The following FBN2 variants were observed in gnomAD, a reference collection of about 807,000 sequenced individuals.
FBN2 encodes the protein fibrillin-2.
In FBN2, 105 loss-of-function variants were observed where a neutral mutation model predicts 355.6. The observed-to-expected ratio is 0.30, with a 90% CI of 0.25 to 0.35. FBN2 has a LOEUF of 0.35. Among genes scored for constraint, FBN2 ranks in the 10% least tolerant of loss-of-function variants. FBN2 has a pLI of 1.00. For missense variants in FBN2, 3,280 were observed against 3,758.7 expected (o/e 0.87, Z 3.33); for synonymous variants, 1,350 against 1,301.2 (o/e 1.04, Z -0.81).
chr5:128,371,916 T>G (rs925316692), intron 15 of FBN2, among the ~76,000 whole-genome samples: 5 of 152,220 alleles, frequency 3.3e-5, no homozygotes, highest in African/African-American at 1.2e-4. Context: ...AAAATATGTA[T>G]GTATGCAAAA....
intron 5 of FBN2, among the ~76,000 whole-genome samples, 173 bp downstream of exon 5, chr5:128,519,100 C>T (rs1756361911): frequency 6.6e-6 from 1 of 152,198 alleles, no homozygotes; most frequent in Admixed American, 6.5e-5. Flanking sequence ...AGTTGAGACA[C>T]TTCTGCCACT....
At chr5:128,521,218 G>A (rs575481400) in intron 4 of FBN2, among the ~76,000 whole-genome samples, 5 of 152,226 alleles carry the variant, frequency 3.3e-5, no homozygotes, top group South Asian at 4.2e-4. Context: ...CCTTTGCAGC[G>A]ACATGGATGA....
At chr5:128,332,775 C>A in intron 32 of FBN2, 137 bp downstream of exon 32, 1 of 877,260 alleles carries the variant, frequency 1.1e-6, no homozygotes. Context: ...CACCCTTAGG[C>A]AGGAATTATC....
At chr5:128,281,982 G>T (rs1765561872) in intron 55 of FBN2, among the ~76,000 whole-genome samples, 1 of 152,148 alleles carries the variant, frequency 6.6e-6, no homozygotes, top group Non-Finnish European at 1.5e-5. Flanking sequence ...GAGCCACCGT[G>T]CCCGGCAGGT....
intron 6 of FBN2, among the ~76,000 whole-genome samples, chr5:128,457,287 G>A (rs535141658): frequency 1.3e-5 from 2 of 152,256 alleles, no homozygotes; most frequent in South Asian, 4.1e-4. Flanking sequence ...AAGCTTCCAG[G>A]AAACATGAGA....
chr5:128,532,875 A>AAT (rs1756743811), intron 2 of FBN2, among the ~76,000 whole-genome samples: 1 of 152,130 alleles, frequency 6.6e-6, no homozygotes, highest in Admixed American at 6.5e-5. Context: ...CAACGCTACG[A>AAT]AAATTTTTTT....
At chr5:128,327,315 T>TGAA (rs1750577912) in intron 34 of FBN2, among the ~76,000 whole-genome samples, 6 of 152,170 alleles carry the variant, frequency 3.9e-5, no homozygotes, top group African/African-American at 1.2e-4. Flanking sequence ...TCTGGAGAAT[T>TGAA]TCATGAACTT....
intron 5 of FBN2, among the ~76,000 whole-genome samples, chr5:128,490,706 T>G (rs1755477109): frequency 6.6e-6 from 1 of 152,230 alleles, no homozygotes. Flanking sequence ...ACTGAGCATC[T>G]AGCAAAGTGT....
chr5:128,330,692 A>G lies in FBN2; in HGVS notation c.4226T>C (p.Leu1409Pro). ...WIGNGIKCID[L>P]DECSNGTHQC... ...GTGGGTTCCATTAGAACATTCGTCC[A>G]GATCTGCAGAACACAGCAATAAAGT... Residue 1409 changes from leucine (L) to proline (P), a missense_variant, in exon 33 of 65, where the codon CTG becomes CCG. Leu to Pro is a moderately conservative substitution (Grantham distance 98). Transcript: ENST00000262464. 6.2e-7 allele frequency: 1 copy of G among 1,614,042 alleles called. No homozygotes were observed. The highest frequency in any genetic ancestry group is 8.5e-7 in the Non-Finnish European group (1 of 1,179,890).
chr5:128,517,295 C>T (rs1756305138), intron 5 of FBN2, among the ~76,000 whole-genome samples: 1 of 152,070 alleles, frequency 6.6e-6, no homozygotes, highest in Non-Finnish European at 1.5e-5. Flanking sequence ...ACAAAGTTTA[C>T]CTGACTCCCA....
At chr5:128,483,970 G>A (rs1214857291) in intron 5 of FBN2, among the ~76,000 whole-genome samples, 1 of 152,166 alleles carries the variant, frequency 6.6e-6, no homozygotes, top group Non-Finnish European at 1.5e-5. Flanking sequence ...CCACATATGT[G>A]ATGGAAGTCT....
chr5:128,513,831 G>A (rs961245770), intron 5 of FBN2, among the ~76,000 whole-genome samples: 1 of 151,720 alleles, frequency 6.6e-6, no homozygotes, highest in Non-Finnish European at 1.5e-5. Context: ...CCCACTGTCT[G>A]CTTTTCCTTC....
chr5:128,430,185 T>C (rs2127029233), intron 7 of FBN2, among the ~76,000 whole-genome samples: 1 of 152,250 alleles, frequency 6.6e-6, no homozygotes, highest in South Asian at 2.1e-4. Context: ...ATTTTTTCTT[T>C]GGCATTTTTC....
intron 3 of FBN2, 46 bp downstream of exon 3, chr5:128,530,549 A>T: frequency 3.0e-6 from 4 of 1,330,296 alleles, no homozygotes; most frequent in Non-Finnish European, 4.3e-6. Context: ...ATTTGCTCCA[A>T]AGCTTAAGAA....
At position 128,430,206 on chromosome 5, in the gene FBN2, C is replaced by G. The variant is rs555171360; in HGVS notation, c.952+16275G>C. Among the ~76,000 whole-genome samples, 16 of 151,634 alleles carry G rather than the reference C, an allele frequency of 1.1e-4. No homozygotes were observed. In the South Asian group the frequency reaches 2.5e-3, roughly 24 times the overall value. ...TCTTTGGCATTTTTCTTTTGACATT[C>G]TTTTTGATGTCTTTGCCAGTAGTTT... On this transcript the variant is annotated intron_variant, in intron 7 of 64. Transcript: ENST00000262464.
intron 48 of FBN2, among the ~76,000 whole-genome samples, chr5:128,298,776 G>C (rs187171412): frequency 8.5e-5 from 13 of 152,230 alleles, no homozygotes; most frequent in Non-Finnish European, 1.6e-4. Context: ...TTTGCCTTTG[G>C]TTTGAGTGTC....
intron 11 of FBN2, among the ~76,000 whole-genome samples, chr5:128,380,269 A>G (rs1392458691): frequency 2.0e-5 from 3 of 152,050 alleles, no homozygotes; most frequent in Admixed American, 1.3e-4. Context: ...ATGAAATACC[A>G]CCTTCAGTTC....
intron 22 of FBN2, 80 bp downstream of exon 22, chr5:128,349,875 C>G: frequency 9.2e-7 from 1 of 1,086,274 alleles, no homozygotes; most frequent in Non-Finnish European, 1.4e-6. Context: ...TGATAAATAT[C>G]TCCAAAGTTT....
At chr5:128,468,253 G>A (rs1465753102) in intron 5 of FBN2, among the ~76,000 whole-genome samples, 4 of 152,086 alleles carry the variant, frequency 2.6e-5, no homozygotes, top group East Asian at 1.9e-4. Flanking sequence ...AGACCATACA[G>A]TAGCATGGAT....
Sources: gnomAD v4.1 joint callset for allele counts (sites outside exome capture counted in the v4.1 genomes callset) on GRCh38, gnomAD v4.1.1 for gene constraint, MANE v1.5 for transcripts, NCBI Gene and HGNC (gene_info 2026-07-23, HGNC 2026-07-21) for gene names.